Variants in SUGT1 observed in about 807,000 individuals in gnomAD.
The protein encoded by SUGT1 is protein SGT1 homolog.
Under a neutral mutation model 56.1 loss-of-function variants are expected in SUGT1, and 15 were observed. That is an observed-to-expected ratio of 0.27 (90% CI 0.18 to 0.41). The LOEUF is 0.41. Ranked by LOEUF, SUGT1 falls within the 10% of genes least tolerant of loss-of-function variation. The pLI, the probability that SUGT1 is intolerant of heterozygous loss-of-function variation, is 1.00. For synonymous variants in SUGT1, 123 were observed against 128.6 expected (o/e 0.96, Z 0.30); for missense variants, 347 against 382.2 (o/e 0.91, Z 0.77).
intron 5 of SUGT1, among the ~76,000 whole-genome samples, chr13:52,661,267 T>A (rs962409230): frequency 2.6e-5 from 4 of 152,238 alleles, no homozygotes; most frequent in African/African-American, 7.2e-5. Context: ...TCCAGGAAAC[T>A]TTTTTTGTTG....
At chr13:52,668,835 A>G (rs1314259632) in intron 10 of SUGT1, among the ~76,000 whole-genome samples, 7 of 151,882 alleles carry the variant, frequency 4.6e-5, no homozygotes, top group Admixed American at 3.9e-4. Flanking sequence ...TGTCTCAAAA[A>G]AAAAAAAAAA....
At chr13:52,659,552 T>A (rs1271652844) in intron 5 of SUGT1, among the ~76,000 whole-genome samples, 1 of 151,924 alleles carries the variant, frequency 6.6e-6, no homozygotes, top group Non-Finnish European at 1.5e-5. Flanking sequence ...GAAAGTTTAA[T>A]TTGCCTTGGT....
intron 6 of SUGT1, 143 bp from the exon 7 acceptor site, chr13:52,662,953 A>C: frequency 4.1e-6 from 4 of 977,532 alleles, no homozygotes. Context: ...TTCAGGATGC[A>C]AAATGAAACC....
intron 10 of SUGT1, among the ~76,000 whole-genome samples, chr13:52,667,696 A>G (rs1283669130): frequency 6.6e-6 from 1 of 152,188 alleles, no homozygotes; most frequent in Admixed American, 6.5e-5. Context: ...ATACAACAGA[A>G]TTAATATTCA....
chr13:52,684,117 T>C (rs909449476), intron 12 of SUGT1, among the ~76,000 whole-genome samples: 4 of 152,126 alleles, frequency 2.6e-5, no homozygotes, highest in African/African-American at 9.7e-5. Flanking sequence ...CCCAGTCTGG[T>C]CTGTAACTCC....
intron 10 of SUGT1, among the ~76,000 whole-genome samples, chr13:52,670,956 GAAATAA>G (rs1420177324): frequency 6.6e-6 from 1 of 152,120 alleles, no homozygotes; most frequent in African/African-American, 2.4e-5. Context: ...GGAATTGTGA[GAAATAA>G]AAATGTCTGT....
intron 11 of SUGT1, among the ~76,000 whole-genome samples, chr13:52,678,726 T>C (rs1395640560): frequency 3.3e-5 from 5 of 151,322 alleles, no homozygotes; most frequent in Non-Finnish European, 7.4e-5. Context: ...TCACCCAGGC[T>C]GGAATGCAGT....
At chr13:52,664,257 C>A (rs1962585613) in intron 8 of SUGT1, among the ~76,000 whole-genome samples, 200 bp downstream of exon 8, 1 of 152,190 alleles carries the variant, frequency 6.6e-6, no homozygotes, top group African/African-American at 2.4e-5. Context: ...AAATTCAAAT[C>A]ATTTCTCATC....
At chr13:52,655,384 T>C (rs1184273884) in intron 2 of SUGT1, among the ~76,000 whole-genome samples, 1 of 152,132 alleles carries the variant, frequency 6.6e-6, no homozygotes, top group Non-Finnish European at 1.5e-5. Flanking sequence ...TTTTATCATA[T>C]GATTATGGAG....
At chr13:52,673,441 A>C (rs1317597542) in intron 10 of SUGT1, among the ~76,000 whole-genome samples, 1 of 152,186 alleles carries the variant, frequency 6.6e-6, no homozygotes, top group African/African-American at 2.4e-5. Flanking sequence ...AGCTACTTTA[A>C]GTGGTTTATT....
chr13:52,675,532 C>G (rs1963107891), intron 10 of SUGT1, among the ~76,000 whole-genome samples: 1 of 152,082 alleles, frequency 6.6e-6, no homozygotes, highest in African/African-American at 2.4e-5. Context: ...AGCTATGATC[C>G]TTCTACTGCA....
intron 10 of SUGT1, among the ~76,000 whole-genome samples, chr13:52,672,680 T>G (rs1297402042): frequency 6.6e-6 from 1 of 152,226 alleles, no homozygotes; most frequent in African/African-American, 2.4e-5. Context: ...AGTTTGCCAA[T>G]AAATTGCCCC....
Position 52,699,859 on chromosome 13 carries a change from G to T in SUGT1, c.*12024G>T, listed in dbSNP as rs1049094257. On this transcript the variant is annotated 3_prime_UTR_variant, in exon 13 of 13. Coordinates refer to ENST00000310528, the MANE Select transcript of SUGT1 (RefSeq NM_006704.5). ...TAAAAAAGTAATTTCAAGTAAGTTT[G>T]CAAATGCAATGCTAGTAAAAAGTAT... is the stretch of plus-strand genomic sequence containing the variant. 6.6e-6 allele frequency: 1 copy of T among 152,136 alleles called. No homozygotes were observed. The allele number at this position is 152,136 out of a possible 1,614,324, so 9.4% of individuals were successfully genotyped here. A position where few individuals can be genotyped will look rare whatever the true frequency, so the allele number is the denominator to read the frequency against.
Position 52,659,195 on chromosome 13 carries a change from G to GA in SUGT1, c.281dup (p.Asn94LysfsTer17). On this transcript the variant is annotated frameshift_variant, in exon 5 of 13. Coordinates refer to ENST00000310528, the MANE Select transcript of SUGT1 (RefSeq NM_006704.5). LOFTEE classifies it high-confidence loss of function. ...TTCATGCAGAATATGTGAATACCAT[G>GA]AAAAAAACTATGCTGCTGCCCTAGA... is the stretch of plus-strand genomic sequence containing the variant. 5 of 1,487,250 alleles carry GA rather than the reference G, an allele frequency of 3.4e-6. No individual in the cohort carries two copies. Among genetic ancestry groups the GA allele is most frequent in the South Asian group, 2.9e-5 (2 of 68,948 alleles). The allele number at this position is 1,487,250 out of a possible 1,614,324, so 92.1% of individuals were successfully genotyped here.
chr13:52,663,008 A>C, intron 6 of SUGT1, 88 bp from the exon 7 acceptor site: 1 of 1,414,788 alleles, frequency 7.1e-7, no homozygotes. Context: ...TTGCTTAATC[A>C]GTATGTTTGT....
At chr13:52,660,993 G>A (rs1432965423) in intron 5 of SUGT1, among the ~76,000 whole-genome samples, 1 of 151,958 alleles carries the variant, frequency 6.6e-6, no homozygotes, top group Non-Finnish European at 1.5e-5. Context: ...TTTATTTTTT[G>A]CAGAGATGGG....
chr13:52,665,489 T>C (rs1962657723), intron 8 of SUGT1, 148 bp from the exon 9 acceptor site: 2 of 562,700 alleles, frequency 3.6e-6, no homozygotes, highest in Admixed American at 4.2e-5. Flanking sequence ...AAACTAGTTA[T>C]ATAAAGTTGT....
chr13:52,659,832 T>A lies in SUGT1; in HGVS notation c.328+583T>A, dbSNP rs867057693. Among the ~76,000 whole-genome samples, 490 of 81,240 alleles carry A rather than the reference T, an allele frequency of 6.0e-3. 2 individuals are homozygous for A. Among genetic ancestry groups the A allele is most frequent in the African/African-American group, 0.024 (366 of 15,190 alleles). 53.3% of individuals were successfully genotyped at this position (81,240 alleles called of 152,430 possible). On this transcript the variant is annotated intron_variant, in intron 5 of 12. Transcript: ENST00000310528. ...TATATATATTTTTTTTTTTTTTTTT[T>A]TTTTTTTTTTTTTTGAGACGGAGTC... is the stretch of plus-strand genomic sequence containing the variant.
At chr13:52,664,092 A>G in intron 8 of SUGT1, 35 bp downstream of exon 8, 1 of 1,595,978 alleles carries the variant, frequency 6.3e-7, no homozygotes, top group Admixed American at 1.7e-5. Context: ...AATGCATGAT[A>G]AATATGCCTA....
Sources: allele counts gnomAD v4.1 joint callset (sites outside exome capture counted in the v4.1 genomes callset), GRCh38; gene constraint gnomAD v4.1.1; transcripts MANE v1.5; gene names NCBI Gene and HGNC (gene_info 2026-07-23, HGNC 2026-07-21).